Variants in UBAC2 observed in about 807,000 individuals in gnomAD.
The protein encoded by UBAC2 is ubiquitin-associated domain-containing protein 2.
Under a neutral mutation model 44.0 loss-of-function variants are expected in UBAC2, and 26 were observed. The ratio of observed to expected loss-of-function variants is 0.59; its 90% CI spans 0.43 to 0.82. The LOEUF is 0.82. UBAC2 is among the 40% of genes least tolerant of loss of function. The pLI is 0.00. For synonymous variants in UBAC2, 155 were observed against 154.3 expected (o/e 1.00, Z -0.04); for missense variants, 329 against 419.4 (o/e 0.78, Z 1.88).
At chr13:99,255,973 C>A in intron 4 of UBAC2, 1 of 1,160,560 alleles carries the variant, frequency 8.6e-7, no homozygotes, top group South Asian at 1.7e-5. Context: ...TAACATTCTC[C>A]CACTCAGCTT....
chr13:99,225,783 A>G (rs917289810), intron 1 of UBAC2, among the ~76,000 whole-genome samples: 2 of 152,242 alleles, frequency 1.3e-5, no homozygotes, highest in African/African-American at 2.4e-5. Context: ...ACCAATAAAC[A>G]TATTTCCTTG....
intron 2 of UBAC2, among the ~76,000 whole-genome samples, chr13:99,242,367 CCGGGCAGAGGGG>C (rs2043315421): frequency 6.8e-6 from 1 of 146,146 alleles, no homozygotes; most frequent in African/African-American, 2.5e-5. Flanking sequence ...GGGCGGCTGT[CCGGGCAGAGGGG>C]CTCCTCACTT....
chr13:99,333,426 TC>T (rs1044493932), intron 6 of UBAC2, among the ~76,000 whole-genome samples: 3 of 152,210 alleles, frequency 2.0e-5, no homozygotes, highest in Admixed American at 2.0e-4. Context: ...TGCATAACTT[TC>T]CAATTTCCTT....
At chr13:99,227,788 T>G (rs2043127505) in intron 1 of UBAC2, among the ~76,000 whole-genome samples, 1 of 152,206 alleles carries the variant, frequency 6.6e-6, no homozygotes, top group Admixed American at 6.5e-5. Context: ...GGATGCCTAC[T>G]CATATTTAGA....
rs869112086 is a variant in UBAC2, at chr13:99,338,047, C to CTTTTTTTTTTTTTTTTTT, written c.562-2262_562-2245dup. Among the ~76,000 whole-genome samples, 197 of 48,878 alleles carry CTTTTTTTTTTTTTTTTTT rather than the reference C, an allele frequency of 4.0e-3. 26 individuals carry two copies. The highest frequency in any genetic ancestry group is 8.1e-3 in the African/African-American group (114 of 14,118). 32.1% of individuals were successfully genotyped at this position (48,878 alleles called of 152,430 possible). On this transcript the variant is annotated intron_variant, in intron 6 of 8. Transcript: ENST00000403766. ...ATCTCCTAACTTTTTTTCTTTTTTTCTTTTTTTTTTTTTTTTTTTTTTTTT... is the reference window on the plus strand; with the variant it reads ...ATCTCCTAACTTTTTTTCTTTTTTTCTTTTTTTTTTTTTTTTTTTTTTTTTTTTTTTTTTTTTTTTTTT...
At chr13:99,208,050 T>G (rs1002164655) in intron 1 of UBAC2, among the ~76,000 whole-genome samples, 1 of 144,464 alleles carries the variant, frequency 6.9e-6, no homozygotes, top group African/African-American at 2.6e-5. Flanking sequence ...CAGGCTGGAG[T>G]GCAATGGCGT....
intron 1 of UBAC2, among the ~76,000 whole-genome samples, chr13:99,202,478 C>A (rs2042816150): frequency 6.6e-6 from 1 of 152,168 alleles, no homozygotes; most frequent in African/African-American, 2.4e-5. Flanking sequence ...TGTTCTTTAG[C>A]ATTTTGATCT....
rs577824097 is a variant in UBAC2 at position 99,298,401 on chromosome 13, G to A, written c.390-15696G>A. On this transcript the variant is annotated intron_variant, in intron 4 of 8. Transcript: ENST00000403766. ...AAAAATACACTTCTAAGGAACTCAT[G>A]GGTTAAAGAAGAAATCACAGTGGAA... Among the ~76,000 whole-genome samples, 12 of 152,206 alleles carry A rather than the reference G, an allele frequency of 7.9e-5. No homozygotes were observed. In the South Asian group the frequency reaches 1.2e-3, roughly 16 times the overall value.
chr13:99,201,488 A>G (rs757496271), intron 1 of UBAC2: 4 of 1,614,042 alleles, frequency 2.5e-6, no homozygotes, highest in Admixed American at 3.3e-5. Context: ...AGTGGAGGGA[A>G]GTTAGGAAGT....
chr13:99,264,101 G>GA (rs1385059071), intron 4 of UBAC2, among the ~76,000 whole-genome samples: 8 of 152,192 alleles, frequency 5.3e-5, no homozygotes, highest in Non-Finnish European at 8.8e-5. Flanking sequence ...AGAGATCAAG[G>GA]AAGGGAGAGG....
chr13:99,297,426 A>G (rs2044193476), intron 4 of UBAC2, among the ~76,000 whole-genome samples: 1 of 152,150 alleles, frequency 6.6e-6, no homozygotes, highest in Non-Finnish European at 1.5e-5. Flanking sequence ...CTCTACCCTG[A>G]TCAAAAGCAC....
chr13:99,209,756 C>G lies in UBAC2; in HGVS notation c.31+8817C>G, dbSNP rs1394325417. Among the ~76,000 whole-genome samples, 4 of 152,284 alleles carry G rather than the reference C, an allele frequency of 2.6e-5. No individual in the cohort carries two copies. The East Asian group carries it at 7.7e-4, about 29-fold the overall frequency. Reference sequence around the variant, plus strand: ...TGGGAGGCCAAGGCGGGTGGATCATCTGAGGCCAGGAGTTCGAGACCAGCC... The same window carrying G: ...TGGGAGGCCAAGGCGGGTGGATCATGTGAGGCCAGGAGTTCGAGACCAGCC... On this transcript the variant is annotated intron_variant, in intron 1 of 8. Coordinates refer to ENST00000403766, the MANE Select transcript of UBAC2 (RefSeq NM_001144072.2).
At chr13:99,249,268 A>G (rs1463526916) in intron 4 of UBAC2, among the ~76,000 whole-genome samples, 1 of 150,746 alleles carries the variant, frequency 6.6e-6, no homozygotes, top group Admixed American at 6.6e-5. Flanking sequence ...TTTAGCTCCC[A>G]CTTTTAAGTG....
At chr13:99,349,178 C>T (rs939831016) in intron 7 of UBAC2, among the ~76,000 whole-genome samples, 4 of 152,180 alleles carry the variant, frequency 2.6e-5, no homozygotes, top group Non-Finnish European at 5.9e-5. Context: ...CCGAATGGTG[C>T]CTGTGCAACC....
At chr13:99,213,117 C>G (rs1287193469) in intron 1 of UBAC2, among the ~76,000 whole-genome samples, 1 of 151,960 alleles carries the variant, frequency 6.6e-6, no homozygotes, top group Non-Finnish European at 1.5e-5. Context: ...TATACCTATA[C>G]ATTTGATTTT....
Position 99,201,273 on chromosome 13 carries a change from G to A in UBAC2, c.31+334G>A, listed in dbSNP as rs563179034. 1.1e-3 allele frequency: 1,558 copies of A among 1,447,112 alleles called. 37 individuals are homozygous for A. The South Asian group carries it at 0.022, about 20-fold the overall frequency. 89.6% of individuals were successfully genotyped at this position (1,447,112 alleles called of 1,614,324 possible). ...GCCGGCCCCAGGCCCTTTGCGGAGCGTGTGCCGCGCTGAAGGAAGGGGCCG... is the reference window on the plus strand; with the variant it reads ...GCCGGCCCCAGGCCCTTTGCGGAGCATGTGCCGCGCTGAAGGAAGGGGCCG... On this transcript the variant is annotated intron_variant, in intron 1 of 8. Transcript: ENST00000403766.
intron 4 of UBAC2, among the ~76,000 whole-genome samples, chr13:99,257,063 C>T (rs565135146): frequency 2.0e-4 from 31 of 152,276 alleles, no homozygotes; most frequent in Admixed American, 1.8e-3. Context: ...ACACAAGAAA[C>T]GTGCCTGTCT....
intron 4 of UBAC2, among the ~76,000 whole-genome samples, chr13:99,297,465 G>A (rs2044193884): frequency 6.6e-6 from 1 of 152,088 alleles, no homozygotes; most frequent in African/African-American, 2.4e-5. Flanking sequence ...TCTCCCTGCT[G>A]TATTAAATGA....
chr13:99,329,399 G>T (rs1446424781), intron 6 of UBAC2, among the ~76,000 whole-genome samples: 1 of 152,242 alleles, frequency 6.6e-6, no homozygotes, highest in Non-Finnish European at 1.5e-5. Flanking sequence ...GATTGCCATG[G>T]TGATGGTTTT....
Sources: gnomAD v4.1 joint callset for allele counts (sites outside exome capture counted in the v4.1 genomes callset) on GRCh38, gnomAD v4.1.1 for gene constraint, MANE v1.5 for transcripts, NCBI Gene and HGNC (gene_info 2026-07-23, HGNC 2026-07-21) for gene names.